ADD3: variants seen among roughly 807,000 people sequenced by gnomAD.
ADD3 encodes the protein gamma-adducin.
ADD3 carries 25 observed loss-of-function variants against 80.2 expected under a neutral mutation model. The observed-to-expected ratio is 0.31, with a 90% CI of 0.23 to 0.44. The LOEUF is 0.44. Ranked by LOEUF, ADD3 falls within the 20% of genes least tolerant of loss-of-function variation. ADD3 has a pLI of 1.00. For synonymous variants in ADD3, 284 were observed against 289.6 expected (o/e 0.98, Z 0.20); for missense variants, 829 against 847.5 (o/e 0.98, Z 0.27).
intron 1 of ADD3, among the ~76,000 whole-genome samples, chr10:110,043,441 T>C (rs1054015013): frequency 2.0e-5 from 3 of 152,238 alleles, no homozygotes. Flanking sequence ...TTTGCTGTTA[T>C]TCCATTTTTA....
rs1411711660 is a variant in ADD3 at position 110,132,402 on chromosome 10, T to A, written c.1828+2T>A. ...AAAATGTCCCTGAAAAATTAGAAGG[T>A]ACTCAATGTAATTTCCCACATAGCA... On this transcript the variant is annotated splice_donor_variant, in intron 14 of 14. Transcript: ENST00000356080. LOFTEE classifies it high-confidence loss of function. The A allele has an allele frequency of 1.3e-6, 2 of 1,597,362 alleles. No individual in the cohort carries two copies. Among genetic ancestry groups the A allele is most frequent in the Non-Finnish European group, 1.7e-6 (2 of 1,165,014 alleles).
rs546663602 is a variant in ADD3, at chr10:110,055,090, A to G, written c.-29-45535A>G. Reference sequence around the variant, plus strand: ...TCTCATTCTTAAATGAAATTCATGTAAAGTGTTTACCTCTAGTAAGTGCCC... The same window carrying G: ...TCTCATTCTTAAATGAAATTCATGTGAAGTGTTTACCTCTAGTAAGTGCCC... On this transcript the variant is annotated intron_variant, in intron 1 of 14. Coordinates refer to ENST00000356080, the MANE Select transcript of ADD3 (RefSeq NM_016824.5). 3.9e-5 allele frequency among the ~76,000 whole-genome samples: 6 copies of G among 152,332 alleles called. No individual in the cohort carries two copies. In the South Asian group the frequency reaches 6.2e-4, roughly 16 times the overall value.
At chr10:110,040,930 C>T (rs995106624) in intron 1 of ADD3, among the ~76,000 whole-genome samples, 4 of 116,568 alleles carry the variant, frequency 3.4e-5, no homozygotes, top group Non-Finnish European at 5.5e-5. Context: ...CTCTCTCTCG[C>T]TCTCTCTCTC....
At chr10:110,120,085 T>A (rs1234678879) in intron 8 of ADD3, among the ~76,000 whole-genome samples, 9 of 151,926 alleles carry the variant, frequency 5.9e-5, no homozygotes, top group Admixed American at 3.9e-4. Context: ...CTTTTTTTTT[T>A]AATTATACTT....
At chr10:110,094,202 A>G (rs1196929253) in intron 1 of ADD3, among the ~76,000 whole-genome samples, 1 of 152,210 alleles carries the variant, frequency 6.6e-6, no homozygotes, top group Admixed American at 6.5e-5. Flanking sequence ...AAATACATCC[A>G]TAAACATGGC....
intron 3 of ADD3, among the ~76,000 whole-genome samples, chr10:110,115,800 A>G (rs568967739): frequency 3.1e-4 from 47 of 152,362 alleles, no homozygotes; most frequent in Non-Finnish European, 4.7e-4. Context: ...AAGACCTTCA[A>G]TAGGACAGAA....
At chr10:110,114,246 A>G (rs1051625781) in intron 3 of ADD3, among the ~76,000 whole-genome samples, 1 of 152,244 alleles carries the variant, frequency 6.6e-6, no homozygotes, top group Non-Finnish European at 1.5e-5. Context: ...TACGGGGAGA[A>G]TAGAAGACAG....
chr10:110,133,300 C>A, intron 14 of ADD3, 26 bp from the exon 15 acceptor site: 1 of 1,541,584 alleles, frequency 6.5e-7, no homozygotes, highest in Non-Finnish European at 8.8e-7. Flanking sequence ...GTAAAATAAC[C>A]CCCAAAAAAC....
intron 1 of ADD3, among the ~76,000 whole-genome samples, chr10:110,030,059 C>CA (rs1854807700): frequency 6.6e-6 from 1 of 152,160 alleles, no homozygotes; most frequent in Non-Finnish European, 1.5e-5. Context: ...CACGGTGGCT[C>CA]ACACCTGTAA....
chr10:110,092,437 G>T (rs1203877738), intron 1 of ADD3, among the ~76,000 whole-genome samples: 4 of 151,918 alleles, frequency 2.6e-5, no homozygotes, highest in African/African-American at 9.7e-5. Flanking sequence ...GATGCAGCTG[G>T]AGGCTATTAC....
At chr10:110,096,886 A>C (rs944954201) in intron 1 of ADD3, among the ~76,000 whole-genome samples, 2 of 152,212 alleles carry the variant, frequency 1.3e-5, no homozygotes, top group Non-Finnish European at 2.9e-5. Flanking sequence ...AGTCCAGCTC[A>C]TCTAGAGGCA....
chr10:110,046,510 G>A (rs1170221314), intron 1 of ADD3, among the ~76,000 whole-genome samples: 1 of 151,966 alleles, frequency 6.6e-6, no homozygotes, highest in East Asian at 1.9e-4. Flanking sequence ...TGGAGACGGG[G>A]AGGATCAAAA....
At chr10:110,014,944 G>C (rs2133008400) in intron 1 of ADD3, among the ~76,000 whole-genome samples, 1 of 152,044 alleles carries the variant, frequency 6.6e-6, no homozygotes, top group East Asian at 1.9e-4. Flanking sequence ...CGTGATCTCG[G>C]CTCAATGCAA....
intron 1 of ADD3, among the ~76,000 whole-genome samples, chr10:110,085,317 T>A (rs956146001): frequency 6.6e-6 from 1 of 152,232 alleles, no homozygotes; most frequent in Non-Finnish European, 1.5e-5. Flanking sequence ...GAACTTTTTC[T>A]AAAGTTCATA....
intron 13 of ADD3, among the ~76,000 whole-genome samples, chr10:110,131,207 C>G (rs1852930701): frequency 6.6e-6 from 1 of 152,134 alleles, no homozygotes; most frequent in African/African-American, 2.4e-5. Context: ...GGCTTTGGAA[C>G]CCTTAGTAAG....
intron 1 of ADD3, among the ~76,000 whole-genome samples, chr10:110,016,953 G>A (rs1853074792): frequency 6.6e-6 from 1 of 152,066 alleles, no homozygotes; most frequent in Admixed American, 6.5e-5. Context: ...CTTTGAAATT[G>A]TTGCTATAAA....
intron 1 of ADD3, among the ~76,000 whole-genome samples, chr10:110,010,930 A>G (rs1852262878): frequency 6.6e-6 from 1 of 152,220 alleles, no homozygotes; most frequent in Non-Finnish European, 1.5e-5. Flanking sequence ...CCACCAAGTT[A>G]TGCTTAAATC....
chr10:110,004,929 T>TA (rs545817690), upstream of ADD3, among the ~76,000 whole-genome samples: 42 of 152,334 alleles, frequency 2.8e-4, no homozygotes, highest in South Asian at 8.3e-3. Context: ...CATATGCACT[T>TA]AGAGTCAGTC....
At chr10:110,079,064 G>C (rs1396864039) in intron 1 of ADD3, among the ~76,000 whole-genome samples, 1 of 152,020 alleles carries the variant, frequency 6.6e-6, no homozygotes, top group Non-Finnish European at 1.5e-5. Flanking sequence ...ACTCCAGTCT[G>C]CTATACAAGC....
Sources: gnomAD v4.1 joint callset for allele counts (sites outside exome capture counted in the v4.1 genomes callset) on GRCh38, gnomAD v4.1.1 for gene constraint, MANE v1.5 for transcripts, NCBI Gene and HGNC (gene_info 2026-07-23, HGNC 2026-07-21) for gene names.